The following CHMP4B variants were observed in gnomAD, a reference collection of about 807,000 sequenced individuals.
CHMP4B encodes the protein SNF7 homolog associated with Alix 1.
In CHMP4B, 1 loss-of-function variant was observed where a neutral mutation model predicts 25.1. The observed-to-expected ratio is 0.04, with a 90% CI of 0.01 to 0.19. The LOEUF is 0.19. Ranked by LOEUF, CHMP4B falls within the 10% of genes least tolerant of loss-of-function variation. The pLI is 1.00. For missense variants in CHMP4B, 151 were observed against 289.7 expected, an observed-to-expected ratio of 0.52 and a Z score of 3.48; for synonymous variants, 101 against 115.6, an observed-to-expected ratio of 0.87 and a Z score of 0.81.
At position 33,829,516 on chromosome 20, in the gene CHMP4B, A is replaced by C. The variant is rs139716511; in HGVS notation, c.190+17858A>C. 1.6e-4 allele frequency among the ~76,000 whole-genome samples: 24 copies of C among 152,320 alleles called. No homozygotes were observed. In the East Asian group the frequency reaches 3.7e-3, roughly 23 times the overall value. ...TGGGTCTTAAGGCTATAAGGCCACA[A>C]ATCTGTGAATTAATTTTGGCCTGAA... is the stretch of plus-strand genomic sequence containing the variant. On this transcript the variant is annotated intron_variant, in intron 1 of 4. Coordinates refer to ENST00000217402, the MANE Select transcript of CHMP4B (RefSeq NM_176812.5).
chr20:33,821,471 G>A (rs1365682786), intron 1 of CHMP4B, among the ~76,000 whole-genome samples: 2 of 151,978 alleles, frequency 1.3e-5, no homozygotes, highest in African/African-American at 4.8e-5. Context: ...TTACATGTGT[G>A]TAGCCCAGTT....
chr20:33,821,160 G>A (rs1978928576), intron 1 of CHMP4B, among the ~76,000 whole-genome samples: 1 of 151,798 alleles, frequency 6.6e-6, no homozygotes, highest in Non-Finnish European at 1.5e-5. Context: ...GCTGAGATGG[G>A]CGGATTACCT....
intron 1 of CHMP4B, among the ~76,000 whole-genome samples, chr20:33,812,434 C>A (rs1978656857): frequency 6.6e-6 from 1 of 152,172 alleles, no homozygotes; most frequent in African/African-American, 2.4e-5. Context: ...TAGAGACTCC[C>A]GACTGCTCCC....
rs189506930 is a variant in CHMP4B at position 33,852,304 on chromosome 20, C to T, written c.610+101C>T. On this transcript the variant is annotated intron_variant, in intron 4 of 4. Transcript: ENST00000217402. The stretch of plus-strand genomic sequence containing the variant: ...TGGTCGGTTGGCTTTGGTTTGTGGT[C>T]GGTTGGCTTTGGTCTGTGTCCTGAG... 5.6e-6 allele frequency: 8 copies of T among 1,431,270 alleles called. No individual in the cohort carries two copies. The East Asian group carries it at 9.1e-5, about 16-fold the overall frequency. The allele number at this position is 1,431,270 out of a possible 1,614,324, so 88.7% of individuals were successfully genotyped here.
chr20:33,820,871 G>A (rs1568605688), intron 1 of CHMP4B, among the ~76,000 whole-genome samples: 1 of 152,152 alleles, frequency 6.6e-6, no homozygotes, highest in Non-Finnish European at 1.5e-5. Context: ...TGAATCAGAA[G>A]CCTCTTAGCG....
chr20:33,812,641 G>T (rs1470947996), intron 1 of CHMP4B, among the ~76,000 whole-genome samples: 1 of 152,212 alleles, frequency 6.6e-6, no homozygotes, highest in Non-Finnish European at 1.5e-5. Context: ...ATGTGAGAGT[G>T]AATCACAGAA....
intron 1 of CHMP4B, among the ~76,000 whole-genome samples, chr20:33,843,540 C>A (rs369247618): frequency 6.6e-6 from 1 of 152,034 alleles, no homozygotes; most frequent in African/African-American, 2.4e-5. Flanking sequence ...TTTAATCTAA[C>A]CATCAGGAAT....
At chr20:33,835,615 GTAATAATTT>G (rs1196772355) in intron 1 of CHMP4B, among the ~76,000 whole-genome samples, 2 of 152,162 alleles carry the variant, frequency 1.3e-5, no homozygotes, top group African/African-American at 4.8e-5. Context: ...GTTCATCCAT[GTAATAATTT>G]TAATCTCTAG....
chr20:33,841,793 C>G (rs764343399), intron 1 of CHMP4B, among the ~76,000 whole-genome samples: 1 of 152,108 alleles, frequency 6.6e-6, no homozygotes, highest in East Asian at 1.9e-4. Flanking sequence ...TTTCATGTGT[C>G]AGCATGAGCT....
chr20:33,848,394 GA>G, intron 1 of CHMP4B, 72 bp from the exon 2 acceptor site: 1 of 1,502,068 alleles, frequency 6.7e-7, no homozygotes, highest in Non-Finnish European at 9.2e-7. Flanking sequence ...TAGAGTTGGG[GA>G]AAAGACTCAG....
Position 33,813,721 on chromosome 20 carries a change from T to G in CHMP4B, c.190+2063T>G, listed in dbSNP as rs559696564. On this transcript the variant is annotated intron_variant, in intron 1 of 4. Transcript: ENST00000217402. ...CTAGCTTAGTTTCTGGAGTTTGTTT[T>G]TTTGTTTGTTTGTTTGTTTGTTTGT... Among the ~76,000 whole-genome samples the G allele has an allele frequency of 2.2e-4, 34 of 152,122 alleles. No homozygotes were observed. The South Asian group carries it at 4.6e-3, about 21-fold the overall frequency.
chr20:33,838,002 GA>G (rs1360147390), intron 1 of CHMP4B, among the ~76,000 whole-genome samples: 3 of 152,196 alleles, frequency 2.0e-5, no homozygotes, highest in African/African-American at 7.2e-5. Context: ...GAGGCCCTAG[GA>G]AATGAGGGGA....
chr20:33,832,775 A>T lies in CHMP4B; in HGVS notation c.191-15692A>T, dbSNP rs949378113. Among the ~76,000 whole-genome samples, 36 of 138,234 alleles carry T rather than the reference A, an allele frequency of 2.6e-4. 1 individual carries two copies. Among genetic ancestry groups the T allele is most frequent in the Admixed American group, 2.4e-3 (33 of 13,812 alleles). 90.7% of individuals were successfully genotyped at this position (138,234 alleles called of 152,430 possible). On this transcript the variant is annotated intron_variant, in intron 1 of 4. Transcript: ENST00000217402. ...GCTCTTTATAGTTTTACAATAAATG[A>T]TTTTTTTTTTTTTTTTTTAAAGAGA... is the stretch of plus-strand genomic sequence containing the variant.
At chr20:33,838,766 C>G (rs1299110104) in intron 1 of CHMP4B, among the ~76,000 whole-genome samples, 1 of 152,154 alleles carries the variant, frequency 6.6e-6, no homozygotes, top group Non-Finnish European at 1.5e-5. Flanking sequence ...TGGTTTCCCC[C>G]TCCTGGCTCT....
Position 33,848,631 on chromosome 20 carries a change from G to A in CHMP4B, c.355G>A (p.Ala119Thr). The change falls in exon 2 of 5, where the codon GCC becomes ACC. Residue 119 changes from alanine (A) to threonine (T), a missense_variant. Coordinates refer to ENST00000217402, the MANE Select transcript of CHMP4B (RefSeq NM_176812.5). ...CTATGCCGCCAAGGCCATGAAGGCG[G>A]CCCATGACAACATGTACGTGTCCAC... is the stretch of plus-strand genomic sequence containing the variant. Reference protein sequence around the residue: ...MGYAAKAMKAAHDNMDIDKVD... With the variant: ...MGYAAKAMKATHDNMDIDKVD... 1.2e-6 allele frequency: 2 copies of A among 1,614,230 alleles called. No homozygotes were observed. The highest frequency in any genetic ancestry group is 2.2e-5 in the South Asian group (2 of 91,082).
chr20:33,843,920 T>C (rs1243552321), intron 1 of CHMP4B, among the ~76,000 whole-genome samples: 1 of 152,186 alleles, frequency 6.6e-6, no homozygotes, highest in East Asian at 1.9e-4. Context: ...TGGGGGAAAA[T>C]TAATCATGTA....
intron 1 of CHMP4B, among the ~76,000 whole-genome samples, chr20:33,825,894 A>G (rs185416643): frequency 6.6e-6 from 1 of 152,316 alleles, no homozygotes; most frequent in East Asian, 1.9e-4. Context: ...TTCCAGGTTT[A>G]GGAGCTTGGA....
rs1979464813 is a variant in CHMP4B at position 33,839,050 on chromosome 20, G to C, written c.191-9417G>C. Among the ~76,000 whole-genome samples the C allele has an allele frequency of 2.0e-5, 3 of 152,268 alleles. 1 individual carries two copies. Among genetic ancestry groups the C allele is most frequent in the African/African-American group, 7.2e-5 (3 of 41,552 alleles). On this transcript the variant is annotated intron_variant, in intron 1 of 4. Coordinates refer to ENST00000217402, the MANE Select transcript of CHMP4B (RefSeq NM_176812.5). ...GGTATAGTCACAGGGGAGGTCCTAGGCTCATTGTCCCTAATAATAATCCCC... is the reference window on the plus strand; with the variant it reads ...GGTATAGTCACAGGGGAGGTCCTAGCCTCATTGTCCCTAATAATAATCCCC...
intron 4 of CHMP4B, among the ~76,000 whole-genome samples, chr20:33,852,653 A>C (rs1979888089): frequency 6.6e-6 from 1 of 152,076 alleles, no homozygotes; most frequent in Non-Finnish European, 1.5e-5. Context: ...TCTTTTCTAG[A>C]ATGATTTTCC....
Sources: allele counts gnomAD v4.1 joint callset (sites outside exome capture counted in the v4.1 genomes callset), GRCh38; gene constraint gnomAD v4.1.1; transcripts MANE v1.5; gene names NCBI Gene and HGNC (gene_info 2026-07-23, HGNC 2026-07-21).